PLXDC2: variants seen among roughly 807,000 people sequenced by gnomAD.
PLXDC2 encodes the protein plexin domain-containing protein 2.
Under a neutral mutation model 68.9 loss-of-function variants are expected in PLXDC2, and 40 were observed. That is an observed-to-expected ratio of 0.58 (90% confidence interval 0.45 to 0.76). PLXDC2 has a LOEUF of 0.76. Ranked by LOEUF, PLXDC2 falls within the 30% of genes least tolerant of loss-of-function variation. PLXDC2 has a pLI of 0.00. For synonymous variants in PLXDC2, 243 were observed against 234.2 expected, an observed-to-expected ratio of 1.04 and a Z score of -0.34; for missense variants, 644 against 661.9, an observed-to-expected ratio of 0.97 and a Z score of 0.30.
intron 12 of PLXDC2, among the ~76,000 whole-genome samples, chr10:20,234,673 T>TC (rs1835410292): frequency 1.3e-5 from 2 of 151,234 alleles, no homozygotes; most frequent in South Asian, 4.2e-4. Context: ...CTTTTTTTTT[T>TC]TTTTTTTTCC....
At chr10:20,176,603 A>G (rs1052491901) in intron 7 of PLXDC2, among the ~76,000 whole-genome samples, 4 of 152,142 alleles carry the variant, frequency 2.6e-5, no homozygotes, top group Non-Finnish European at 5.9e-5. Context: ...AGAGTGTGAA[A>G]CATTTCTAAT....
At chr10:19,983,776 G>C (rs767135214) in intron 1 of PLXDC2, among the ~76,000 whole-genome samples, 1 of 152,098 alleles carries the variant, frequency 6.6e-6, no homozygotes, top group Non-Finnish European at 1.5e-5. Context: ...CAGGAGGCTC[G>C]TCCGAAATGC....
At chr10:20,208,172 A>G (rs1467561626) in intron 9 of PLXDC2, among the ~76,000 whole-genome samples, 9 of 151,244 alleles carry the variant, frequency 6.0e-5, no homozygotes, top group South Asian at 2.1e-4. Context: ...GATATATTGT[A>G]TTAGTCCATT....
At chr10:19,862,727 A>C (rs577864967) in intron 1 of PLXDC2, among the ~76,000 whole-genome samples, 136 of 152,354 alleles carry the variant, frequency 8.9e-4, no homozygotes, top group African/African-American at 3.2e-3. Flanking sequence ...AATCACGGAA[A>C]AATGGAAGTA....
At chr10:20,194,148 CATTGTT>C (rs1218297411) in intron 9 of PLXDC2, among the ~76,000 whole-genome samples, 2 of 148,866 alleles carry the variant, frequency 1.3e-5, no homozygotes, top group African/African-American at 2.5e-5. Flanking sequence ...AATTTTTAAG[CATTGTT>C]ATTAACTTAG....
intron 13 of PLXDC2, among the ~76,000 whole-genome samples, chr10:20,275,827 C>T (rs951693846): frequency 1.3e-5 from 2 of 152,046 alleles, no homozygotes; most frequent in Non-Finnish European, 2.9e-5. Flanking sequence ...ATGTGAGAAT[C>T]GCTTTAATCC....
At chr10:20,036,054 T>C (rs1474097851) in intron 2 of PLXDC2, among the ~76,000 whole-genome samples, 1 of 152,154 alleles carries the variant, frequency 6.6e-6, no homozygotes, top group Non-Finnish European at 1.5e-5. Flanking sequence ...GAAAATGACA[T>C]GAGTTTTTGA....
chr10:19,989,090 G>A (rs561731412), intron 1 of PLXDC2, among the ~76,000 whole-genome samples: 14 of 152,124 alleles, frequency 9.2e-5, no homozygotes, highest in Admixed American at 2.6e-4. Context: ...ATGAGCCACC[G>A]CACCTGGCCT....
chr10:19,839,646 T>TG (rs1302125207), intron 1 of PLXDC2, among the ~76,000 whole-genome samples: 4 of 151,928 alleles, frequency 2.6e-5, no homozygotes, highest in Non-Finnish European at 5.9e-5. Flanking sequence ...TTTTTTTTTT[T>TG]TGTGATGATT....
intron 1 of PLXDC2, among the ~76,000 whole-genome samples, chr10:19,827,564 C>T (rs1483933412): frequency 6.9e-6 from 1 of 145,910 alleles, no homozygotes. Flanking sequence ...TTTTCTTTTT[C>T]TTTTTTTTTT....
At chr10:20,008,674 G>C (rs577890834) in intron 2 of PLXDC2, among the ~76,000 whole-genome samples, 3 of 152,320 alleles carry the variant, frequency 2.0e-5, no homozygotes, top group African/African-American at 7.2e-5. Flanking sequence ...AGATGATGTG[G>C]TTTGGCTATG....
intron 4 of PLXDC2, among the ~76,000 whole-genome samples, chr10:20,125,428 A>G (rs1833759840): frequency 6.6e-6 from 1 of 152,190 alleles, no homozygotes; most frequent in Non-Finnish European, 1.5e-5. Flanking sequence ...ACCTGTTTGT[A>G]GTCTTGGATG....
At chr10:20,237,341 C>A (rs1278463521) in intron 12 of PLXDC2, among the ~76,000 whole-genome samples, 3 of 151,602 alleles carry the variant, frequency 2.0e-5, no homozygotes, top group African/African-American at 4.8e-5. Context: ...GGCCGGTAAG[C>A]ATTTTAAAAA....
intron 7 of PLXDC2, among the ~76,000 whole-genome samples, chr10:20,165,339 C>A (rs1285802472): frequency 6.6e-6 from 1 of 151,836 alleles, no homozygotes; most frequent in Admixed American, 6.6e-5. Context: ...AGGTTATTTA[C>A]ATATGTATAC....
intron 4 of PLXDC2, among the ~76,000 whole-genome samples, chr10:20,107,442 G>A (rs1447662988): frequency 6.6e-6 from 1 of 152,078 alleles, no homozygotes; most frequent in Non-Finnish European, 1.5e-5. Context: ...ATGGAAAATT[G>A]GAGAATTGAA....
At chr10:19,979,149 T>G (rs1032554085) in intron 1 of PLXDC2, among the ~76,000 whole-genome samples, 1 of 152,156 alleles carries the variant, frequency 6.6e-6, no homozygotes, top group African/African-American at 2.4e-5. Flanking sequence ...TCATTTGCTA[T>G]GGGACCTTTT....
intron 1 of PLXDC2, among the ~76,000 whole-genome samples, chr10:19,892,585 T>G (rs1258281117): frequency 6.6e-6 from 1 of 152,210 alleles, no homozygotes; most frequent in Middle Eastern, 3.2e-3. Flanking sequence ...TGCTGTAAAT[T>G]CTTAACTCAG....
intron 6 of PLXDC2, among the ~76,000 whole-genome samples, chr10:20,163,860 G>A (rs1221106310): frequency 6.6e-6 from 1 of 152,102 alleles, no homozygotes; most frequent in Non-Finnish European, 1.5e-5. Flanking sequence ...TCAAATACAA[G>A]AACTGTGACA....
At chr10:20,177,450 G>T (rs908575202) in intron 9 of PLXDC2, 41 bp downstream of exon 9, 4 of 1,031,858 alleles carry the variant, frequency 3.9e-6, no homozygotes, top group East Asian at 6.9e-5. Context: ...AATTTAAAAA[G>T]ATATTTTAAA....
Sources: gnomAD v4.1 joint callset for allele counts (sites outside exome capture counted in the v4.1 genomes callset) on GRCh38, gnomAD v4.1.1 for gene constraint, MANE v1.5 for transcripts, NCBI Gene and HGNC (gene_info 2026-07-23, HGNC 2026-07-21) for gene names.